TAS2R1: variants seen among roughly 807,000 people sequenced by gnomAD.
TAS2R1 encodes the protein taste 2 receptor member 1.
For missense variants in TAS2R1, 370 were observed against 353.4 expected (o/e 1.05, Z -0.38); for synonymous variants, 141 against 134.2 (o/e 1.05, Z -0.35).
chr5:9,861,745 TTC>T, the TAS2R1 span, among the ~76,000 whole-genome samples: 1 of 152,188 alleles, frequency 6.6e-6, no homozygotes, highest in Non-Finnish European at 1.5e-5. Flanking sequence ...CTCGCAGGAC[TTC>T]TTTACTCTCC....
chr5:9,878,133 G>A, the TAS2R1 span, among the ~76,000 whole-genome samples: 48 of 152,234 alleles, frequency 3.2e-4, no homozygotes, highest in African/African-American at 1.1e-3. Context: ...TGAATTCATG[G>A]GTTCAGAAAA....
At chr5:9,668,394 C>A (rs1740682234) in intron 1 of TAS2R1, among the ~76,000 whole-genome samples, 1 of 152,042 alleles carries the variant, frequency 6.6e-6, no homozygotes, top group Non-Finnish European at 1.5e-5. Context: ...AATATTCAAT[C>A]AAGAAAATGC....
the TAS2R1 span, among the ~76,000 whole-genome samples, chr5:9,745,077 T>G: frequency 1.3e-5 from 2 of 152,064 alleles, no homozygotes; most frequent in Non-Finnish European, 2.9e-5. Flanking sequence ...AATGAATTGG[T>G]GGAAAAAGGC....
intron 1 of TAS2R1, among the ~76,000 whole-genome samples, chr5:9,697,051 G>A (rs144772524): frequency 0.027 from 4,051 of 151,930 alleles, 66 homozygotes; most frequent in African/African-American, 0.041. Context: ...TTCACAAAAG[G>A]CACTGCACAG....
At chr5:9,691,542 G>A (rs1431606787) in intron 1 of TAS2R1, among the ~76,000 whole-genome samples, 1 of 152,232 alleles carries the variant, frequency 6.6e-6, no homozygotes. Flanking sequence ...TCAGCTTCTT[G>A]GAAGATGCCA....
At chr5:9,752,671 G>A in the TAS2R1 span, among the ~76,000 whole-genome samples, 1 of 152,098 alleles carries the variant, frequency 6.6e-6, no homozygotes, top group African/African-American at 2.4e-5. Flanking sequence ...TTAACATTAG[G>A]TATATCTCCT....
chr5:9,838,215 T>C, the TAS2R1 span, among the ~76,000 whole-genome samples: 1 of 152,176 alleles, frequency 6.6e-6, no homozygotes, highest in Non-Finnish European at 1.5e-5. Context: ...TCTGAGTATC[T>C]GTAAAAGTGC....
At chr5:9,851,935 A>G in the TAS2R1 span, among the ~76,000 whole-genome samples, 2 of 152,332 alleles carry the variant, frequency 1.3e-5, no homozygotes, top group South Asian at 4.1e-4. Flanking sequence ...AGACAGCTTC[A>G]GATAGAGGCT....
the TAS2R1 span, among the ~76,000 whole-genome samples, chr5:9,812,742 A>C: frequency 6.6e-6 from 1 of 152,274 alleles, no homozygotes; most frequent in Admixed American, 6.5e-5. Context: ...ACAGTGACCA[A>C]AACAAACTTG....
the TAS2R1 span, among the ~76,000 whole-genome samples, chr5:9,830,954 T>C: frequency 6.6e-6 from 1 of 152,208 alleles, no homozygotes; most frequent in Non-Finnish European, 1.5e-5. Flanking sequence ...AGTAAATTCC[T>C]ATGCATATGA....
At chr5:9,800,794 C>T in the TAS2R1 span, among the ~76,000 whole-genome samples, 2 of 152,176 alleles carry the variant, frequency 1.3e-5, no homozygotes, top group Non-Finnish European at 2.9e-5. Flanking sequence ...ATTTTGAAGC[C>T]CTATCTCCCA....
At chr5:9,837,260 C>T in the TAS2R1 span, among the ~76,000 whole-genome samples, 4 of 152,166 alleles carry the variant, frequency 2.6e-5, no homozygotes, top group East Asian at 1.9e-4. Flanking sequence ...AGGAGACCCC[C>T]GCATCCTGAA....
the TAS2R1 span, among the ~76,000 whole-genome samples, chr5:9,880,286 T>C: frequency 6.6e-6 from 1 of 152,132 alleles, no homozygotes; most frequent in South Asian, 2.1e-4. Context: ...TCTCACACAG[T>C]CTCTGGGGAA....
In TAS2R1 at chr5:9,705,517, G is replaced by A. The variant is rs183229963; in HGVS notation, c.-242+6655C>T. Among the ~76,000 whole-genome samples the A allele has an allele frequency of 7.2e-4, 110 of 152,188 alleles. 1 individual carries two copies. The highest frequency in any genetic ancestry group is 2.5e-3 in the African/African-American group (103 of 41,512). ...CCTGAACCCAGGGGATTTTAGAGTC[G>A]CCAACTTTGCTGGTGTGTCTGGGAT... On this transcript the variant is annotated intron_variant, in intron 1 of 2. Transcript: ENST00000506620.
At chr5:9,657,982 T>C (rs1740449498) in intron 2 of TAS2R1, among the ~76,000 whole-genome samples, 1 of 152,176 alleles carries the variant, frequency 6.6e-6, no homozygotes, top group African/African-American at 2.4e-5. Flanking sequence ...TTGAAGGATT[T>C]AGAACTGATG....
At chr5:9,873,721 T>G in the TAS2R1 span, among the ~76,000 whole-genome samples, 1 of 151,476 alleles carries the variant, frequency 6.6e-6, no homozygotes, top group African/African-American at 2.4e-5. Context: ...CAAAAGAAAT[T>G]AGCCGGTAGT....
chr5:9,635,531 C>A (rs1224910636), intron 2 of TAS2R1, among the ~76,000 whole-genome samples: 1 of 151,160 alleles, frequency 6.6e-6, no homozygotes, highest in African/African-American at 2.4e-5. Flanking sequence ...GGTACCAATT[C>A]TTCTTTGAAT....
intron 2 of TAS2R1, among the ~76,000 whole-genome samples, chr5:9,642,875 G>A (rs1476496958): frequency 6.6e-6 from 1 of 152,138 alleles, no homozygotes; most frequent in Non-Finnish European, 1.5e-5. Context: ...TAGTCCTCAC[G>A]ATTTTGTCTT....
intron 1 of TAS2R1, among the ~76,000 whole-genome samples, chr5:9,680,410 T>G (rs1159844651): frequency 1.3e-5 from 2 of 151,994 alleles, no homozygotes; most frequent in Non-Finnish European, 2.9e-5. Context: ...TTCCAAAAAC[T>G]GCAGTGTCGA....
Sources: allele counts gnomAD v4.1 joint callset (sites outside exome capture counted in the v4.1 genomes callset), GRCh38; gene constraint gnomAD v4.1.1; transcripts MANE v1.5; gene names NCBI Gene and HGNC (gene_info 2026-07-23, HGNC 2026-07-21).